ZFC3H1: variants seen among roughly 807,000 people sequenced by gnomAD.
The protein encoded by ZFC3H1 is zinc finger C3H1-type containing.
Under a neutral mutation model 243.7 loss-of-function variants are expected in ZFC3H1, and 71 were observed. The observed-to-expected ratio is 0.29, with a 90% CI of 0.24 to 0.36. The LOEUF is 0.36. Among genes scored for constraint, ZFC3H1 ranks in the 10% least tolerant of loss-of-function variants. The pLI is 1.00. For missense variants in ZFC3H1, 1,966 were observed against 2,317.1 expected (o/e 0.85, Z 3.11); for synonymous variants, 838 against 813.0 (o/e 1.03, Z -0.52).
chr12:71,634,350 TTAAAC>T, intron 11 of ZFC3H1, 46 bp from the exon 12 acceptor site: 1 of 1,568,816 alleles, frequency 6.4e-7, no homozygotes, highest in Non-Finnish European at 8.6e-7. Flanking sequence ...AAGAATAAAC[TTAAAC>T]TATTTTTAAA....
chr12:71,642,835 C>A (rs1413410850), intron 5 of ZFC3H1, among the ~76,000 whole-genome samples: 1 of 152,146 alleles, frequency 6.6e-6, no homozygotes, highest in African/African-American at 2.4e-5. Context: ...ATTAGCTCTT[C>A]CTGTATAAAA....
At position 71,613,217 on chromosome 12, in the gene ZFC3H1, A is replaced by G. The variant is rs183595553; in HGVS notation, c.5627+118T>C. 383 of 628,140 alleles carry G rather than the reference A, an allele frequency of 6.1e-4. 2 individuals carry two copies. The African/African-American group carries it at 6.3e-3, about 10-fold the overall frequency. 38.9% of individuals were successfully genotyped at this position (628,140 alleles called of 1,614,324 possible). A position where few individuals can be genotyped will look rare whatever the true frequency, so the allele number is the denominator to read the frequency against. On this transcript the variant is annotated intron_variant, in intron 31 of 34. Coordinates refer to ENST00000378743, the MANE Select transcript of ZFC3H1 (RefSeq NM_144982.5). ...TAACAACTCTGAAATTAAGCAGTAT[A>G]TATTCATGAGGACATAGTGGAACAA...
Position 71,610,492 on chromosome 12 carries a change from A to G in ZFC3H1, c.5906T>C (p.Ile1969Thr), listed in dbSNP as rs1213572485. Residue 1969 changes from isoleucine (I) to threonine (T), a missense_variant, in exon 35 of 35, where the codon ATT becomes ACT. Ile to Thr is a moderately conservative substitution (Grantham distance 89). This residue lies in a region of ZFC3H1 where 1,383 missense variants were observed against 1,723.7 expected (regional missense o/e 0.80). Coordinates refer to ENST00000378743, the MANE Select transcript of ZFC3H1 (RefSeq NM_144982.5). ...LRKLVSKCQE[I>T]GVSLNELLNL... ...TAAGAGCTCATTTAGGCTGACTCCAATCTCTTGGCACTTGGAAACTAGTTT... is the reference window on the plus strand; with the variant it reads ...TAAGAGCTCATTTAGGCTGACTCCAGTCTCTTGGCACTTGGAAACTAGTTT... 3.1e-6 allele frequency: 5 copies of G among 1,613,666 alleles called. No homozygotes were observed. The highest frequency in any genetic ancestry group is 2.2e-5 in the East Asian group (1 of 44,864).
intron 4 of ZFC3H1, among the ~76,000 whole-genome samples, 182 bp from the exon 5 acceptor site, chr12:71,644,500 A>G (rs1327522784): frequency 6.6e-6 from 1 of 152,214 alleles, no homozygotes; most frequent in Non-Finnish European, 1.5e-5. Context: ...TTAAAATCTC[A>G]AAACTATACT....
At chr12:71,649,691 T>C (rs1388777827) in intron 2 of ZFC3H1, among the ~76,000 whole-genome samples, 2 of 152,228 alleles carry the variant, frequency 1.3e-5, no homozygotes, top group Non-Finnish European at 2.9e-5. Flanking sequence ...ATAACTATTA[T>C]ACAAAAATAA....
chr12:71,657,062 C>G lies in ZFC3H1; in HGVS notation c.838G>C (p.Asp280His), dbSNP rs182906685. 15 of 1,613,844 alleles carry G rather than the reference C, an allele frequency of 9.3e-6. No homozygotes were observed. The highest frequency in any genetic ancestry group is 9.3e-6 in the Non-Finnish European group (11 of 1,179,914). The change falls in exon 2 of 35, where the codon GAT (aspartate) becomes CAT (histidine). Residue 280 changes from aspartate (D) to histidine (H), a missense_variant. Physicochemically the swap from Asp to His is moderately conservative, Grantham distance 81. Coordinates refer to ENST00000378743, the MANE Select transcript of ZFC3H1 (RefSeq NM_144982.5). The stretch of plus-strand genomic sequence containing the variant: ...TCAGGAGCTACTTCTTTACTTGAAT[C>G]CTTTGTAATACTGACATTATCAGTG... ...TSTDNVSITK[D>H]SSKEVAPEEK...
chr12:71,616,063 G>A (rs1386938752), intron 27 of ZFC3H1, among the ~76,000 whole-genome samples: 1 of 152,182 alleles, frequency 6.6e-6, no homozygotes, highest in Non-Finnish European at 1.5e-5. Flanking sequence ...GCTGAGGCGG[G>A]TGGTTCACTT....
intron 1 of ZFC3H1, among the ~76,000 whole-genome samples, chr12:71,660,701 T>C (rs1881145831): frequency 6.6e-6 from 1 of 152,128 alleles, no homozygotes; most frequent in Non-Finnish European, 1.5e-5. Flanking sequence ...AGAAAAACCT[T>C]TGAGCTCCCA....
At position 71,663,458 on chromosome 12, in the gene ZFC3H1, G is replaced by A. The variant is rs1881248731; in HGVS notation, c.153C>T (p.Pro51=). Residue 51 remains proline, a synonymous_variant, in exon 1 of 35, where the codon CCC becomes CCT. Transcript: ENST00000378743. ...SSSSSGGGLL[P]YPRRRPPHSA... ...AGTGAGGAGGCCTTCGCCGCGGATA[G>A]GGTAACAGCCCGCCGCCGCTGCTGC... 3.1e-6 allele frequency: 5 copies of A among 1,612,366 alleles called. No individual in the cohort carries two copies. The South Asian group carries it at 4.4e-5, about 14-fold the overall frequency.
At chr12:71,648,357 T>C (rs1302777475) in intron 2 of ZFC3H1, among the ~76,000 whole-genome samples, 2 of 152,346 alleles carry the variant, frequency 1.3e-5, no homozygotes, top group African/African-American at 4.8e-5. Context: ...TGGGCCCAGA[T>C]GACTGATGAA....
At chr12:71,655,938 C>CTACA (rs1412575760) in intron 2 of ZFC3H1, among the ~76,000 whole-genome samples, 1 of 152,064 alleles carries the variant, frequency 6.6e-6, no homozygotes, top group Non-Finnish European at 1.5e-5. Context: ...AATGGATGAA[C>CTACA]TACAGTATGA....
intron 24 of ZFC3H1, 117 bp from the exon 25 acceptor site, chr12:71,620,432 C>G (rs1879997735): frequency 4.1e-6 from 4 of 975,052 alleles, no homozygotes; most frequent in Non-Finnish European, 6.3e-6. Flanking sequence ...CTTTGATTAC[C>G]CATCCATCAT....
intron 2 of ZFC3H1, among the ~76,000 whole-genome samples, chr12:71,649,511 CT>C (rs925723874): frequency 6.6e-6 from 1 of 152,100 alleles, no homozygotes; most frequent in East Asian, 1.9e-4. Context: ...TTATTCCTAT[CT>C]TTTTTTTATA....
rs754838904 is a variant in ZFC3H1, at chr12:71,628,909, ACTT to A, written c.3946+6_3946+8del. ...ATAATTCTGGATCTTAAATTACATA[ACTT>A]CTTACCATACTTAATTGGTCCTGTA... On this transcript the variant is annotated splice_donor_region_variant and intron_variant, in intron 20 of 34. Transcript: ENST00000378743. 23 of 1,577,172 alleles carry A rather than the reference ACTT, an allele frequency of 1.5e-5. 2 individuals carry two copies. The South Asian group carries it at 2.6e-4, about 18-fold the overall frequency.
At chr12:71,635,363 G>C (rs1335857798) in intron 10 of ZFC3H1, 80 bp downstream of exon 10, 2 of 1,481,322 alleles carry the variant, frequency 1.4e-6, no homozygotes, top group Admixed American at 2.7e-5. Context: ...ATAACTTTAT[G>C]GTTTAATTTT....
intron 9 of ZFC3H1, among the ~76,000 whole-genome samples, chr12:71,636,194 A>G (rs1168384748): frequency 1.3e-5 from 2 of 152,184 alleles, no homozygotes. Context: ...AGAAAATCTG[A>G]ATGAGCCCAT....
chr12:71,632,536 C>A (rs112614976), intron 14 of ZFC3H1, 22 bp from the exon 15 acceptor site: 2 of 1,524,806 alleles, frequency 1.3e-6, no homozygotes, highest in African/African-American at 1.4e-5. Flanking sequence ...AAATGATACA[C>A]GTATTTTACA....
chr12:71,658,048 T>C (rs1417461177), intron 1 of ZFC3H1, among the ~76,000 whole-genome samples: 1 of 151,978 alleles, frequency 6.6e-6, no homozygotes, highest in Non-Finnish European at 1.5e-5. Flanking sequence ...ATTTTTCTCC[T>C]ACAGACAAGG....
rs1233704731 is a variant in ZFC3H1, at chr12:71,623,372, C to T, written c.4732G>A (p.Ala1578Thr). ...ACTTTATACTTACCTTCAAAAACTGCTAACAACATGTCAGGATTAGTCTTT... is the reference window on the plus strand; with the variant it reads ...ACTTTATACTTACCTTCAAAAACTGTTAACAACATGTCAGGATTAGTCTTT... Reference protein sequence around the residue: ...DVKTNPDMLLAVFEDAVKACT... With the variant: ...DVKTNPDMLLTVFEDAVKACT... The change falls in exon 24 of 35, where the codon GCA becomes ACA. Residue 1578 changes from alanine (A) to threonine (T), a missense_variant. By Grantham distance (58) the Ala-to-Thr change is moderately conservative. Coordinates refer to ENST00000378743, the MANE Select transcript of ZFC3H1 (RefSeq NM_144982.5). 6.2e-7 allele frequency: 1 copy of T among 1,607,810 alleles called. No individual in the cohort carries two copies. Among genetic ancestry groups the T allele is most frequent in the East Asian group, 2.2e-5 (1 of 44,700 alleles).
Sources: allele counts gnomAD v4.1 joint callset (sites outside exome capture counted in the v4.1 genomes callset), GRCh38; gene constraint gnomAD v4.1.1; regional missense constraint gnomAD v4.1.1; transcripts MANE v1.5; gene names NCBI Gene and HGNC (gene_info 2026-07-23, HGNC 2026-07-21).